Variants in MYLK observed in about 807,000 individuals in gnomAD.
MYLK encodes the protein myosin light chain kinase, smooth muscle.
A neutral mutation model predicts 203.4 loss-of-function variants in MYLK; 106 were observed. That is an observed-to-expected ratio of 0.52 (90% confidence interval 0.45 to 0.61). The LOEUF is 0.61. Among genes scored for constraint, MYLK ranks in the 20% least tolerant of loss-of-function variants. The pLI is 0.00. For missense variants in MYLK, 2,072 were observed against 2,442.3 expected (o/e 0.85, Z 3.20); for synonymous variants, 867 against 959.5 (o/e 0.90, Z 1.78).
Position 123,700,298 on chromosome 3 carries a change from T to C in MYLK, c.3170A>G (p.Glu1057Gly). The C allele has an allele frequency of 6.2e-7, 1 of 1,614,104 alleles. No individual in the cohort carries two copies. The highest frequency in any genetic ancestry group is 8.5e-7 in the Non-Finnish European group (1 of 1,180,006). The change falls in exon 18 of 34, where the codon GAG becomes GGG. Residue 1057 changes from glutamate to glycine, a missense_variant. Glu to Gly is a moderately conservative substitution (Grantham distance 98). Transcript: ENST00000360304. ...LKPMGNAKPD[E>G]NLKSASKEEL... Reference sequence around the variant, plus strand: ...TTCTTTGCTAGCGGATTTCAGGTTCTCATCAGGCTTGGCATTGCCCATGGG... The same window carrying C: ...TTCTTTGCTAGCGGATTTCAGGTTCCCATCAGGCTTGGCATTGCCCATGGG...
intron 29 of MYLK, among the ~76,000 whole-genome samples, chr3:123,637,095 T>C (rs1219542142): frequency 6.6e-6 from 1 of 152,206 alleles, no homozygotes; most frequent in East Asian, 1.9e-4. Flanking sequence ...TCATTTTCTA[T>C]GAAAATGTTA....
At chr3:123,779,561 C>T (rs2064212455) in intron 4 of MYLK, among the ~76,000 whole-genome samples, 1 of 152,216 alleles carries the variant, frequency 6.6e-6, no homozygotes, top group African/African-American at 2.4e-5. Flanking sequence ...CAGGCTCTGC[C>T]TGCCCCCACC....
intron 8 of MYLK, 41 bp downstream of exon 8, chr3:123,737,337 A>G: frequency 6.2e-7 from 1 of 1,613,716 alleles, no homozygotes; most frequent in South Asian, 1.1e-5. Flanking sequence ...GTGCGGCACC[A>G]GGCAGGGATC....
In MYLK at chr3:123,752,464, C is replaced by A. The variant is rs1424321587; in HGVS notation, c.240G>T (p.Leu80=). ...AAGTCCCCCGGATGCCGCAATCCAG[C>A]AGGAAGCGGCCCCCGCTGGTGATGG... ...GQPITSGGRF[L]LDCGIRGTFS... is the part of the protein sequence containing the mutation. Residue 80 remains leucine, a synonymous_variant, in exon 5 of 34, where the codon CTG becomes CTT. Transcript: ENST00000360304. 1 of 1,614,194 alleles carries A rather than the reference C, an allele frequency of 6.2e-7. No homozygotes were observed.
At chr3:123,625,806 CAAA>C (rs11288924) in intron 31 of MYLK, among the ~76,000 whole-genome samples, 6 of 95,032 alleles carry the variant, frequency 6.3e-5, no homozygotes, top group African/African-American at 6.4e-5. Flanking sequence ...GACTCCATCT[CAAA>C]AAAAAAAAAA....
chr3:123,801,402 A>G (rs2109159829), intron 3 of MYLK, among the ~76,000 whole-genome samples: 1 of 152,270 alleles, frequency 6.6e-6, no homozygotes, highest in Middle Eastern at 3.4e-3. Flanking sequence ...TTATTTTTTA[A>G]CTTTTACTTT....
Position 123,640,156 on chromosome 3 carries a change from T to A in MYLK, c.4837+131A>T, listed in dbSNP as rs1244534868. ...CGTCTAGTATGTGGTAGGGGCAGGA[T>A]TCAAACCTGGGAAGTCTTCATGGTC... On this transcript the variant is annotated intron_variant, in intron 28 of 33. Transcript: ENST00000360304. The surrounding 1 kb of genome is among the most constrained non-coding windows in gnomAD (Gnocchi z 4.3). 1 of 847,270 alleles carries A rather than the reference T, an allele frequency of 1.2e-6. No homozygotes were observed. Among genetic ancestry groups the A allele is most frequent in the Non-Finnish European group, 1.9e-6 (1 of 513,584 alleles). The allele number at this position is 847,270 out of a possible 1,614,324, so 52.5% of individuals were successfully genotyped here.
chr3:123,770,135 A>G (rs2063829222), intron 4 of MYLK, among the ~76,000 whole-genome samples: 1 of 148,910 alleles, frequency 6.7e-6, no homozygotes, highest in Non-Finnish European at 1.5e-5. Flanking sequence ...ACATGGTGAA[A>G]CCCTGTCTCT....
intron 20 of MYLK, among the ~76,000 whole-genome samples, chr3:123,672,550 G>A (rs2059949174): frequency 1.3e-5 from 2 of 152,212 alleles, no homozygotes; most frequent in African/African-American, 2.4e-5. Context: ...CTGGGGTGAT[G>A]AGCTAGGAGC....
chr3:123,612,458 C>G lies in MYLK; in HGVS notation c.*1647G>C, dbSNP rs182575175. On this transcript the variant is annotated 3_prime_UTR_variant, in exon 34 of 34. Transcript: ENST00000360304. Reference sequence around the variant, plus strand: ...GTAACACACATATACGCCACACATGCACACACACAACATACACGCACACAA... The same window carrying G: ...GTAACACACATATACGCCACACATGGACACACACAACATACACGCACACAA... 75 of 152,668 alleles carry G rather than the reference C, an allele frequency of 4.9e-4. No homozygotes were observed. Among genetic ancestry groups the G allele is most frequent in the Non-Finnish European group, 7.8e-4 (53 of 68,020 alleles). The allele number at this position is 152,668 out of a possible 1,614,324, so 9.5% of individuals were successfully genotyped here.
At chr3:123,855,461 TA>T (rs1256879643) in intron 2 of MYLK, among the ~76,000 whole-genome samples, 1 of 152,024 alleles carries the variant, frequency 6.6e-6, no homozygotes, top group Non-Finnish European at 1.5e-5. Context: ...CATTGTTTAT[TA>T]TTTTTTTTAA....
At chr3:123,761,944 T>A (rs2108932097) in intron 4 of MYLK, among the ~76,000 whole-genome samples, 1 of 152,178 alleles carries the variant, frequency 6.6e-6, no homozygotes, top group African/African-American at 2.4e-5. Context: ...GGAGAATCAC[T>A]TGAATCCAGG....
chr3:123,680,292 T>C (rs1173859330), intron 20 of MYLK, among the ~76,000 whole-genome samples: 1 of 152,000 alleles, frequency 6.6e-6, no homozygotes, highest in Non-Finnish European at 1.5e-5. Flanking sequence ...CTCACTGGAG[T>C]GGGTGTGCTG....
chr3:123,643,405 G>A (rs1344590900), intron 27 of MYLK, among the ~76,000 whole-genome samples: 1 of 152,192 alleles, frequency 6.6e-6, no homozygotes, highest in East Asian at 1.9e-4. Flanking sequence ...TCTGAGCCAT[G>A]GAGATAATTC....
intron 19 of MYLK, among the ~76,000 whole-genome samples, chr3:123,683,868 G>A (rs1461208843): frequency 6.6e-6 from 1 of 152,086 alleles, no homozygotes; most frequent in African/African-American, 2.4e-5. Context: ...ACACCAAAAC[G>A]CTCCCTTGCC....
At chr3:123,631,787 G>C (rs1013999301) in intron 29 of MYLK, among the ~76,000 whole-genome samples, 3 of 152,120 alleles carry the variant, frequency 2.0e-5, no homozygotes, top group Non-Finnish European at 4.4e-5. Flanking sequence ...GTCCCCATGA[G>C]GGAAGGGTGG....
chr3:123,614,673 G>A (rs1171259156), intron 33 of MYLK, among the ~76,000 whole-genome samples: 1 of 152,112 alleles, frequency 6.6e-6, no homozygotes, highest in Admixed American at 6.5e-5. Flanking sequence ...CTGTTGCCTA[G>A]GCTGGAGTGT....
intron 2 of MYLK, among the ~76,000 whole-genome samples, chr3:123,861,062 G>A (rs924958012): frequency 2.0e-5 from 3 of 151,902 alleles, no homozygotes; most frequent in Non-Finnish European, 2.9e-5. Context: ...CCCGGGAGGC[G>A]GAGCCTGCAG....
chr3:123,660,566 A>G (rs905915423), intron 23 of MYLK, among the ~76,000 whole-genome samples: 1 of 152,184 alleles, frequency 6.6e-6, no homozygotes, highest in Non-Finnish European at 1.5e-5. Flanking sequence ...ATATAATAAT[A>G]ATAAGTCTCC....
Sources: allele counts gnomAD v4.1 joint callset (sites outside exome capture counted in the v4.1 genomes callset), GRCh38; gene constraint gnomAD v4.1.1; non-coding constraint Gnocchi (gnomAD v3.1); transcripts MANE v1.5; gene names NCBI Gene and HGNC (gene_info 2026-07-23, HGNC 2026-07-21).